IRAG1: variants seen among roughly 807,000 people sequenced by gnomAD.
IRAG1 encodes the protein IP3R-associated cGMP kinase substrate.
IRAG1 carries 62 observed loss-of-function variants against 106.2 expected under a neutral mutation model. That is an observed-to-expected ratio of 0.58 (90% CI 0.48 to 0.72). The LOEUF (loss-of-function observed/expected upper bound fraction) is 0.72, where lower values mean the gene tolerates loss of function less well. IRAG1 is among the 30% of genes least tolerant of loss of function. The probability of loss-of-function intolerance (pLI) is 0.00; values close to 1 mark genes in which losing one functional copy is unlikely to be tolerated. For missense variants in IRAG1, 1,064 were observed against 1,140.7 expected (o/e 0.93, Z 0.97); for synonymous variants, 462 against 443.9 (o/e 1.04, Z -0.51).
intron 18 of IRAG1, among the ~76,000 whole-genome samples, chr11:10,584,548 AATATATATATATATATATATATATATAT>A (rs56768282): frequency 3.0e-5 from 3 of 98,580 alleles, no homozygotes; most frequent in Non-Finnish European, 6.4e-5. Flanking sequence ...TCTTTCATGA[AATATATATATATATATATATATATATAT>A]ATATATATAT....
chr11:10,629,273 T>G (rs538826712), intron 5 of IRAG1, among the ~76,000 whole-genome samples: 1 of 152,148 alleles, frequency 6.6e-6, no homozygotes, highest in African/African-American at 2.4e-5. Flanking sequence ...GCAGGAGGAT[T>G]TCTGGGCCCA....
intron 10 of IRAG1, among the ~76,000 whole-genome samples, chr11:10,618,921 C>T (rs949741647): frequency 2.0e-5 from 3 of 152,142 alleles, no homozygotes; most frequent in African/African-American, 4.8e-5. Context: ...GAGATCCCTG[C>T]GGCTGCTGTG....
At chr11:10,654,099 G>A (rs1356094534) in intron 1 of IRAG1, among the ~76,000 whole-genome samples, 4 of 152,182 alleles carry the variant, frequency 2.6e-5, no homozygotes, top group Non-Finnish European at 4.4e-5. Context: ...GAGGCTGTAG[G>A]AGGAAGAACC....
chr11:10,606,697 G>A, intron 12 of IRAG1, 45 bp downstream of exon 12: 1 of 1,564,632 alleles, frequency 6.4e-7, no homozygotes, highest in African/African-American at 1.4e-5. Flanking sequence ...AATAAGCCCA[G>A]TCAAGCACGG....
rs2134038213 is a variant in IRAG1, at chr11:10,576,461, C to A, written c.2610G>T (p.Gly870=). The change falls in exon 21 of 21, where the codon GGG becomes GGT. Residue 870 remains glycine (G), a synonymous_variant. Transcript: ENST00000423302. ...CACAAGAGTTATAGGAATTGTAGAG[C>A]CCCAGCACAACAGTCAAGACCAGCA... is the stretch of plus-strand genomic sequence containing the variant. The part of the protein sequence containing the change: ...AVMLVLTVVL[G]LYNSYNSCAE... 1 of 1,614,004 alleles carries A rather than the reference C, an allele frequency of 6.2e-7. No homozygotes were observed. Among genetic ancestry groups the A allele is most frequent in the Non-Finnish European group, 8.5e-7 (1 of 1,179,890 alleles).
In IRAG1 at chr11:10,576,147, T is replaced by C; in HGVS notation, c.*185A>G. On this transcript the variant is annotated 3_prime_UTR_variant, in exon 21 of 21. Transcript: ENST00000423302. Reference sequence around the variant, plus strand: ...TTTCCCAGGGCAGTTTTGTTGATCCTCCAAGAACATCAAGTCACTGTGTAT... The same window carrying C: ...TTTCCCAGGGCAGTTTTGTTGATCCCCCAAGAACATCAAGTCACTGTGTAT... 2.7e-6 allele frequency: 2 copies of C among 750,796 alleles called. No individual in the cohort carries two copies. Among genetic ancestry groups the C allele is most frequent in the Admixed American group, 2.9e-5 (1 of 34,194 alleles). 46.5% of individuals were successfully genotyped at this position (750,796 alleles called of 1,614,324 possible). A position where few individuals can be genotyped will look rare whatever the true frequency, so the allele number is the denominator to read the frequency against.
chr11:10,677,872 C>T (rs985714153), intron 1 of IRAG1, among the ~76,000 whole-genome samples: 14 of 152,188 alleles, frequency 9.2e-5, no homozygotes, highest in Non-Finnish European at 1.6e-4. Context: ...TGAATGCAAC[C>T]ATACAATATG....
chr11:10,638,048 A>G (rs1857264081), intron 2 of IRAG1, among the ~76,000 whole-genome samples: 1 of 152,206 alleles, frequency 6.6e-6, no homozygotes, highest in African/African-American at 2.4e-5. Context: ...ATTACTGGGA[A>G]TCAGGGATTT....
intron 1 of IRAG1, among the ~76,000 whole-genome samples, chr11:10,655,707 A>C (rs2134947046): frequency 6.6e-6 from 1 of 152,224 alleles, no homozygotes; most frequent in South Asian, 2.1e-4. Flanking sequence ...CCATCCCAGG[A>C]CTCTGGGATT....
At chr11:10,577,671 CA>C (rs1850965481) in intron 20 of IRAG1, among the ~76,000 whole-genome samples, 1 of 152,184 alleles carries the variant, frequency 6.6e-6, no homozygotes, top group Non-Finnish European at 1.5e-5. Flanking sequence ...GCGGAGAGCT[CA>C]AATTTTGAGG....
chr11:10,586,338 C>G (rs75417490), intron 18 of IRAG1, among the ~76,000 whole-genome samples: 1 of 152,044 alleles, frequency 6.6e-6, no homozygotes, highest in Non-Finnish European at 1.5e-5. Flanking sequence ...TAAGACTAAG[C>G]TCAAATGCCT....
intron 1 of IRAG1, among the ~76,000 whole-genome samples, chr11:10,673,008 C>T (rs1414161775): frequency 2.0e-5 from 3 of 152,112 alleles, no homozygotes; most frequent in Admixed American, 6.5e-5. Context: ...AAGAGCCAGG[C>T]GCGGTGGCTC....
At chr11:10,588,533 A>AGAGAT (rs985147206) in intron 18 of IRAG1, among the ~76,000 whole-genome samples, 3 of 152,064 alleles carry the variant, frequency 2.0e-5, no homozygotes, top group Non-Finnish European at 4.4e-5. Flanking sequence ...TATTTTTTGT[A>AGAGAT]GAGATGGGGC....
At chr11:10,692,954 G>T (rs528203225) in intron 1 of IRAG1, among the ~76,000 whole-genome samples, 1 of 152,346 alleles carries the variant, frequency 6.6e-6, no homozygotes. Flanking sequence ...CCTCTAGGGA[G>T]CAGGGAAGGG....
intron 10 of IRAG1, 90 bp from the exon 11 acceptor site, chr11:10,609,941 G>T: frequency 3.1e-6 from 4 of 1,309,856 alleles, no homozygotes; most frequent in Non-Finnish European, 3.2e-6. Flanking sequence ...ACATTTATAA[G>T]TATCTAGTTC....
chr11:10,692,176 C>T (rs776179856), intron 1 of IRAG1, among the ~76,000 whole-genome samples: 1 of 146,304 alleles, frequency 6.8e-6, no homozygotes, highest in Non-Finnish European at 1.5e-5. Flanking sequence ...ATATAAACAG[C>T]CACCCACCAA....
intron 1 of IRAG1, among the ~76,000 whole-genome samples, chr11:10,686,979 C>G (rs1861704001): frequency 6.6e-6 from 1 of 152,196 alleles, no homozygotes; most frequent in Non-Finnish European, 1.5e-5. Flanking sequence ...AATGAAACTT[C>G]TGTGAAAAAA....
intron 2 of IRAG1, among the ~76,000 whole-genome samples, chr11:10,650,667 A>T (rs566863808): frequency 5.9e-4 from 90 of 152,308 alleles, no homozygotes; most frequent in African/African-American, 2.0e-3. Flanking sequence ...TTAATCCCCA[A>T]GCTTTTGGAA....
rs752838854 is a variant in IRAG1 at position 10,626,256 on chromosome 11, A to C, written c.1078T>G (p.Ser360Ala). 1.2e-6 allele frequency: 2 copies of C among 1,608,826 alleles called. No homozygotes were observed. The highest frequency in any genetic ancestry group is 3.4e-5 in the Admixed American group (2 of 59,656). ...QDAAGVGPPASQGRGPAGEPM... is the reference protein window; with the variant it reads ...QDAAGVGPPAAQGRGPAGEPM... Reference sequence around the variant, plus strand: ...TCTCCAGCTGGGCCTCTCCCCTGGGAGGCTGGGGGACCCACTCCTGCCGCA... The same window carrying C: ...TCTCCAGCTGGGCCTCTCCCCTGGGCGGCTGGGGGACCCACTCCTGCCGCA... Residue 360 changes from serine to alanine, a missense_variant, in exon 9 of 21, where the codon TCC (serine) becomes GCC (alanine). Physicochemically the swap from Ser to Ala is moderately conservative, Grantham distance 99 (BLOSUM62 1). Coordinates refer to ENST00000423302, the MANE Select transcript of IRAG1 (RefSeq NM_130385.4).
Sources: allele counts gnomAD v4.1 joint callset (sites outside exome capture counted in the v4.1 genomes callset), GRCh38; gene constraint gnomAD v4.1.1; transcripts MANE v1.5; gene names NCBI Gene and HGNC (gene_info 2026-07-23, HGNC 2026-07-21).